Variants in AGPS observed in about 807,000 individuals in gnomAD.
AGPS encodes alkyldihydroxyacetonephosphate synthase, peroxisomal.
A neutral mutation model predicts 90.7 loss-of-function variants in AGPS; 26 were observed. The ratio of observed to expected loss-of-function variants is 0.29; its 90% CI spans 0.21 to 0.40. The LOEUF is 0.40. AGPS is among the 10% of genes least tolerant of loss of function. The pLI is 1.00. For missense variants in AGPS, 540 were observed against 816.1 expected (o/e 0.66, Z 4.12); for synonymous variants, 294 against 285.3 (o/e 1.03, Z -0.31).
At chr2:177,517,353 A>G (rs1574027296) in intron 17 of AGPS, among the ~76,000 whole-genome samples, 1 of 152,134 alleles carries the variant, frequency 6.6e-6, no homozygotes, top group Non-Finnish European at 1.5e-5. Context: ...CAATCATCCT[A>G]TTTGTTTTCC....
intron 7 of AGPS, among the ~76,000 whole-genome samples, chr2:177,444,829 A>G (rs1017396689): frequency 1.3e-5 from 2 of 152,220 alleles, no homozygotes; most frequent in African/African-American, 4.8e-5. Flanking sequence ...GTAATTCATG[A>G]AAATTCATAT....
chr2:177,446,065 TC>T (rs1001748994), intron 8 of AGPS, among the ~76,000 whole-genome samples: 1 of 152,130 alleles, frequency 6.6e-6, no homozygotes, highest in African/African-American at 2.4e-5. Flanking sequence ...AAATGAGACT[TC>T]AGGATGAGTC....
At chr2:177,434,489 T>A (rs907790983) in intron 3 of AGPS, 72 bp downstream of exon 3, 11 of 1,145,810 alleles carry the variant, frequency 9.6e-6, no homozygotes, top group African/African-American at 1.5e-5. Flanking sequence ...GATTTATCTT[T>A]GTAATTCATT....
chr2:177,512,692 G>T (rs1429494844), intron 16 of AGPS, among the ~76,000 whole-genome samples: 2 of 152,092 alleles, frequency 1.3e-5, no homozygotes, highest in Non-Finnish European at 2.9e-5. Flanking sequence ...TTATTATGTG[G>T]CCAGGATATT....
rs1483631589 is a variant in AGPS, at chr2:177,539,886, A to G, written c.*1691A>G. ...AACAGATCTTTGCTTTAAGCCCTTG[A>G]TATTTGACCTAGTTGGACACTTGAT... On this transcript the variant is annotated 3_prime_UTR_variant, in exon 20 of 20. Transcript: ENST00000264167. 2 of 151,458 alleles carry G rather than the reference A, an allele frequency of 1.3e-5. No individual in the cohort carries two copies. The highest frequency in any genetic ancestry group is 2.9e-5 in the Non-Finnish European group (2 of 67,810). The allele number at this position is 151,458 out of a possible 1,614,324, so 9.4% of individuals were successfully genotyped here. A position where few individuals can be genotyped will look rare whatever the true frequency, so the allele number is the denominator to read the frequency against.
chr2:177,480,892 A>G (rs1687925043), intron 10 of AGPS, among the ~76,000 whole-genome samples: 1 of 152,242 alleles, frequency 6.6e-6, no homozygotes, highest in African/African-American at 2.4e-5. Flanking sequence ...TTTGTAAGAC[A>G]TATCTATTTT....
At chr2:177,486,854 A>G (rs1688109188) in intron 11 of AGPS, among the ~76,000 whole-genome samples, 1 of 151,448 alleles carries the variant, frequency 6.6e-6, no homozygotes, top group Admixed American at 6.6e-5. Flanking sequence ...ATCCTCTTTC[A>G]ATACTTCACT....
intron 10 of AGPS, among the ~76,000 whole-genome samples, chr2:177,479,586 A>C (rs1226007531): frequency 2.0e-5 from 3 of 152,230 alleles, no homozygotes; most frequent in Non-Finnish European, 2.9e-5. Flanking sequence ...AATATTTGGG[A>C]ATTAAAAAGT....
chr2:177,462,073 T>G, intron 9 of AGPS, 55 bp downstream of exon 9: 1 of 1,408,038 alleles, frequency 7.1e-7, no homozygotes, highest in South Asian at 1.3e-5. Flanking sequence ...GATATTATTA[T>G]AAAATGATTA....
intron 17 of AGPS, among the ~76,000 whole-genome samples, chr2:177,516,338 ATT>A (rs1002699999): frequency 3.5e-4 from 54 of 152,274 alleles, no homozygotes; most frequent in African/African-American, 1.3e-3. Flanking sequence ...ATTGCTAGTC[ATT>A]GAGTCTAATA....
chr2:177,429,552 T>C (rs1686178541), intron 2 of AGPS, among the ~76,000 whole-genome samples: 1 of 152,234 alleles, frequency 6.6e-6, no homozygotes, highest in Admixed American at 6.5e-5. Flanking sequence ...GTTTTTCTTT[T>C]AACAGGCCAC....
chr2:177,461,772 A>G, intron 8 of AGPS, 121 bp from the exon 9 acceptor site: 2 of 671,950 alleles, frequency 3.0e-6, no homozygotes, highest in Admixed American at 3.2e-5. Flanking sequence ...TTTGCTATGT[A>G]GGAATTAATA....
intron 12 of AGPS, among the ~76,000 whole-genome samples, chr2:177,494,083 T>A (rs1030250257): frequency 6.6e-6 from 1 of 152,206 alleles, no homozygotes; most frequent in African/African-American, 2.4e-5. Context: ...AAATTTACTT[T>A]GGGATTTAAG....
chr2:177,461,748 C>CTTTTTTTT (rs56895184), intron 8 of AGPS, 145 bp from the exon 9 acceptor site: 2 of 467,434 alleles, frequency 4.3e-6, no homozygotes, highest in African/African-American at 2.3e-5. Flanking sequence ...ATAAAAGTAT[C>CTTTTTTTT]TTTTTTTTTT....
At chr2:177,490,571 C>T (rs1688223366) in intron 11 of AGPS, among the ~76,000 whole-genome samples, 1 of 152,120 alleles carries the variant, frequency 6.6e-6, no homozygotes, top group African/African-American at 2.4e-5. Context: ...AATAGGAATA[C>T]TGGATAGCTA....
rs964674686 is a variant in AGPS at position 177,405,688 on chromosome 2, T to C, written c.260+12639T>C. 2.3e-4 allele frequency among the ~76,000 whole-genome samples: 35 copies of C among 151,384 alleles called. 1 individual carries two copies. Among genetic ancestry groups the C allele is most frequent in the Non-Finnish European group, 3.7e-4 (25 of 67,834 alleles). ...CTATTCTGTTGTTTTTTTTTTTTTT[T>C]CCCACCTTCCTGTCTTTCTGACCAT... On this transcript the variant is annotated intron_variant, in intron 1 of 19. Coordinates refer to ENST00000264167, the MANE Select transcript of AGPS (RefSeq NM_003659.4).
chr2:177,485,156 G>C (rs1461963104), intron 11 of AGPS, among the ~76,000 whole-genome samples: 3 of 152,152 alleles, frequency 2.0e-5, no homozygotes, highest in African/African-American at 7.2e-5. Context: ...GAGAGGTCGT[G>C]TTCAGTCTGT....
chr2:177,516,789 G>A (rs1000561029), intron 17 of AGPS, among the ~76,000 whole-genome samples: 2 of 152,084 alleles, frequency 1.3e-5, no homozygotes, highest in Non-Finnish European at 2.9e-5. Context: ...CTGCAAGTTC[G>A]TTTCATTCAT....
chr2:177,485,872 G>A (rs552793690), intron 11 of AGPS, among the ~76,000 whole-genome samples: 75 of 152,248 alleles, frequency 4.9e-4, no homozygotes, highest in African/African-American at 1.7e-3. Context: ...AGTCGTGATC[G>A]TGCCACTGTA....
Sources: gnomAD v4.1 joint callset for allele counts (sites outside exome capture counted in the v4.1 genomes callset) on GRCh38, gnomAD v4.1.1 for gene constraint, MANE v1.5 for transcripts, NCBI Gene and HGNC (gene_info 2026-07-23, HGNC 2026-07-21) for gene names.